HPSE2: variants seen among roughly 807,000 people sequenced by gnomAD.
The protein encoded by HPSE2 is inactive heparanase-2.
HPSE2 carries 38 observed loss-of-function variants against 60.5 expected under a neutral mutation model. That is an observed-to-expected ratio of 0.63 (90% CI 0.48 to 0.82). The LOEUF is 0.82. HPSE2 is among the 40% of genes least tolerant of loss of function. The pLI is 0.00. For synonymous variants in HPSE2, 295 were observed against 293.2 expected, an observed-to-expected ratio of 1.01 and a Z score of -0.06; for missense variants, 713 against 740.4, an observed-to-expected ratio of 0.96 and a Z score of 0.43.
intron 3 of HPSE2, among the ~76,000 whole-genome samples, chr10:98,987,637 T>C (rs1411128724): frequency 6.6e-6 from 1 of 152,192 alleles, no homozygotes; most frequent in African/African-American, 2.4e-5. Flanking sequence ...TTGGAAGTTC[T>C]GGCCAGGGCA....
intron 3 of HPSE2, among the ~76,000 whole-genome samples, chr10:98,996,305 A>G (rs958159526): frequency 3.3e-5 from 5 of 152,218 alleles, no homozygotes; most frequent in Non-Finnish European, 5.9e-5. Flanking sequence ...AAATAACAAG[A>G]TAACACTAAG....
At chr10:99,225,768 T>G (rs1027901593) in intron 2 of HPSE2, among the ~76,000 whole-genome samples, 3 of 152,032 alleles carry the variant, frequency 2.0e-5, no homozygotes, top group African/African-American at 7.2e-5. Context: ...TTTTTTCCTC[T>G]ATGGCCAATT....
At chr10:98,733,450 T>G (rs1351865203) in intron 4 of HPSE2, among the ~76,000 whole-genome samples, 1 of 152,062 alleles carries the variant, frequency 6.6e-6, no homozygotes, top group African/African-American at 2.4e-5. Context: ...CTCTCTAACC[T>G]AGTGAAGAAA....
chr10:98,518,906 G>A (rs1942693413), intron 9 of HPSE2, among the ~76,000 whole-genome samples: 1 of 152,038 alleles, frequency 6.6e-6, no homozygotes, highest in Non-Finnish European at 1.5e-5. Context: ...ATTCTTGAAA[G>A]GATAAATAAT....
intron 6 of HPSE2, among the ~76,000 whole-genome samples, chr10:98,669,800 C>T (rs1947459258): frequency 6.6e-6 from 1 of 152,166 alleles, no homozygotes; most frequent in South Asian, 2.1e-4. Flanking sequence ...ACCTGGGTGA[C>T]AGGACCATTT....
At chr10:99,192,906 T>TA (rs1255154883) in intron 2 of HPSE2, among the ~76,000 whole-genome samples, 6 of 151,608 alleles carry the variant, frequency 4.0e-5, no homozygotes, top group Admixed American at 6.6e-5. Flanking sequence ...TTTTCATATA[T>TA]AAAAAAAAGG....
intron 3 of HPSE2, among the ~76,000 whole-genome samples, chr10:99,122,059 G>A (rs1181602442): frequency 6.6e-6 from 1 of 152,028 alleles, no homozygotes; most frequent in East Asian, 1.9e-4. Flanking sequence ...ATAAAATTAT[G>A]TATATGTATG....
chr10:99,173,031 T>A (rs1795986525), intron 2 of HPSE2, among the ~76,000 whole-genome samples: 1 of 104,690 alleles, frequency 9.6e-6, no homozygotes, highest in African/African-American at 2.6e-5. Context: ...TTGTTTAGAA[T>A]ACCCCCTTTT....
At chr10:99,203,178 C>G (rs932216602) in intron 2 of HPSE2, among the ~76,000 whole-genome samples, 1 of 151,954 alleles carries the variant, frequency 6.6e-6, no homozygotes, top group African/African-American at 2.4e-5. Context: ...ACTAGCCTGG[C>G]CCAACCCCAG....
intron 3 of HPSE2, among the ~76,000 whole-genome samples, chr10:98,888,267 A>G (rs1244186818): frequency 6.6e-6 from 1 of 152,084 alleles, no homozygotes. Flanking sequence ...GAAATCTGAC[A>G]GTGAATTTGA....
chr10:98,666,113 A>G (rs1947356415), intron 6 of HPSE2, among the ~76,000 whole-genome samples: 1 of 152,208 alleles, frequency 6.6e-6, no homozygotes, highest in African/African-American at 2.4e-5. Flanking sequence ...ACAGAAAGCA[A>G]AAAAGAACAG....
the HPSE2 span, among the ~76,000 whole-genome samples, chr10:99,244,220 T>C: frequency 2.0e-5 from 3 of 151,766 alleles, no homozygotes; most frequent in African/African-American, 7.3e-5. Flanking sequence ...GGTTTCACCA[T>C]GTTAGCCAGG....
chr10:98,687,494 C>T (rs772387206), intron 6 of HPSE2, among the ~76,000 whole-genome samples: 1 of 152,184 alleles, frequency 6.6e-6, no homozygotes. Flanking sequence ...AAGCTCCTTA[C>T]TTTAAAGTCA....
At chr10:98,561,070 T>C (rs1484276783) in intron 9 of HPSE2, among the ~76,000 whole-genome samples, 1 of 152,068 alleles carries the variant, frequency 6.6e-6, no homozygotes, top group African/African-American at 2.4e-5. Flanking sequence ...GAAGAAAGCA[T>C]TGGTATAGGA....
intron 6 of HPSE2, among the ~76,000 whole-genome samples, chr10:98,688,477 C>CTTTTTTTTTTTTTTTTTTTT (rs1388717965): frequency 1.2e-5 from 1 of 83,012 alleles, no homozygotes; most frequent in African/African-American, 4.4e-5. Flanking sequence ...TTTTTTTTTT[C>CTTTTTTTTTTTTTTTTTTTT]TTTTTTTTTT....
chr10:99,040,091 T>C (rs1192371205), intron 3 of HPSE2, among the ~76,000 whole-genome samples: 3 of 152,206 alleles, frequency 2.0e-5, no homozygotes, highest in African/African-American at 4.8e-5. Flanking sequence ...TAGACCTTCA[T>C]AGGTACAGTT....
chr10:98,820,744 G>A (rs1173312634), intron 3 of HPSE2, among the ~76,000 whole-genome samples: 2 of 152,080 alleles, frequency 1.3e-5, no homozygotes, highest in African/African-American at 2.4e-5. Flanking sequence ...CCAGCAATTA[G>A]GTTCAATAGC....
At chr10:99,008,674 A>G (rs967154149) in intron 3 of HPSE2, among the ~76,000 whole-genome samples, 4 of 152,230 alleles carry the variant, frequency 2.6e-5, no homozygotes, top group African/African-American at 9.6e-5. Context: ...TTTCTAAACT[A>G]GAAATATATT....
At chr10:98,597,970 C>CA (rs571184082) in intron 9 of HPSE2, among the ~76,000 whole-genome samples, 3,105 of 54,892 alleles carry the variant, frequency 0.057, 419 homozygotes, top group African/African-American at 0.14. Context: ...GACTCCATCT[C>CA]AAAAAAAAAA....
Sources: gnomAD v4.1 joint callset for allele counts (sites outside exome capture counted in the v4.1 genomes callset) on GRCh38, gnomAD v4.1.1 for gene constraint, MANE v1.5 for transcripts, NCBI Gene and HGNC (gene_info 2026-07-23, HGNC 2026-07-21) for gene names.